The following AR variants were observed in gnomAD, a reference collection of about 807,000 sequenced individuals.
AR encodes the protein androgen receptor, also known as dihydrotestosterone receptor.
AR carries 8 observed loss-of-function variants against 53.9 expected under a neutral mutation model. The ratio of observed to expected loss-of-function variants is 0.15; its 90% CI spans 0.09 to 0.27. The LOEUF (loss-of-function observed/expected upper bound fraction) is 0.27. Ranked by LOEUF, AR falls within the 10% of genes least tolerant of loss-of-function variation. AR has a pLI of 1.00. For synonymous variants in AR, 359 were observed against 316.4 expected (o/e 1.13, Z -1.43); for missense variants, 639 against 742.5 (o/e 0.86, Z 1.62).
intron 1 of AR, among the ~76,000 whole-genome samples, chrX:67,603,430 G>A (rs747383879): frequency 8.9e-6 from 1 of 111,818 alleles, no homozygotes; most frequent in Admixed American, 9.5e-5. Context: ...TAAGAGTTCA[G>A]AGGAGATTGT....
chrX:67,550,908 T>A (rs1475162114), intron 1 of AR, among the ~76,000 whole-genome samples: 2 of 108,533 alleles, frequency 1.8e-5, no homozygotes, highest in East Asian at 2.8e-4. Context: ...ATTTCTTTTT[T>A]AAAAAAAATC....
chrX:67,724,960 G>A lies in AR; in HGVS notation c.*1119G>A. 5.7e-6 allele frequency: 1 copy of A among 175,440 alleles called. No homozygotes were observed. Among genetic ancestry groups the A allele is most frequent in the Non-Finnish European group, 1.1e-5 (1 of 91,694 alleles). The allele number at this position is 175,440 out of a possible 1,213,427, so 14.5% of individuals were successfully genotyped here. ...GGAGCCAGAGGAGAAGAAAATGATAGCTTGGCTGTTCTCCTGCTTAGGACA... is the reference window on the plus strand; with the variant it reads ...GGAGCCAGAGGAGAAGAAAATGATAACTTGGCTGTTCTCCTGCTTAGGACA... On this transcript the variant is annotated 3_prime_UTR_variant, in exon 8 of 8. Transcript: ENST00000374690.
chrX:67,587,986 G>A (rs1451589718), intron 1 of AR, among the ~76,000 whole-genome samples: 1 of 110,232 alleles, frequency 9.1e-6, no homozygotes, highest in African/African-American at 3.3e-5. Context: ...CTCTTGCAAG[G>A]ACTGATTATC....
At chrX:67,631,008 T>C (rs759594151) in intron 1 of AR, among the ~76,000 whole-genome samples, 46 of 111,969 alleles carry the variant, frequency 4.1e-4, no homozygotes, top group Non-Finnish European at 7.5e-4. Flanking sequence ...CCGAGAGATC[T>C]GCTGTTAGTC....
intron 2 of AR, among the ~76,000 whole-genome samples, chrX:67,672,344 C>A (rs758513513): frequency 9.0e-6 from 1 of 111,114 alleles, no homozygotes; most frequent in Non-Finnish European, 1.9e-5. Context: ...TTAGATTCAG[C>A]GTTATGATTG....
intron 1 of AR, among the ~76,000 whole-genome samples, chrX:67,613,534 A>G (rs1923976480): frequency 9.0e-6 from 1 of 111,462 alleles, no homozygotes; most frequent in Non-Finnish European, 1.9e-5. Flanking sequence ...AGGAATCACT[A>G]AGAAGAGCCC....
chrX:67,589,764 G>A (rs1021479169), intron 1 of AR, among the ~76,000 whole-genome samples: 1 of 111,632 alleles, frequency 9.0e-6, no homozygotes, highest in African/African-American at 3.3e-5. Context: ...TTGGATACAG[G>A]CAGCCAGTTT....
intron 3 of AR, among the ~76,000 whole-genome samples, chrX:67,686,682 T>G (rs377119792): frequency 1.5e-4 from 17 of 111,667 alleles, no homozygotes; most frequent in African/African-American, 5.2e-4. Context: ...CTATCCTATC[T>G]CTCCCAAAGA....
At chrX:67,569,642 A>T (rs941595481) in intron 1 of AR, among the ~76,000 whole-genome samples, 1 of 110,872 alleles carries the variant, frequency 9.0e-6, no homozygotes, top group South Asian at 3.9e-4. Flanking sequence ...CTGTGCCTTC[A>T]TGTATTTTTT....
chrX:67,665,229 G>A (rs1390166543), intron 2 of AR, among the ~76,000 whole-genome samples: 1 of 112,506 alleles, frequency 8.9e-6, no homozygotes, highest in Non-Finnish European at 1.9e-5. Context: ...CTGTAGACTG[G>A]AGCTGTTCCT....
At chrX:67,652,822 G>A (rs1483793261) in intron 2 of AR, among the ~76,000 whole-genome samples, 1 of 111,779 alleles carries the variant, frequency 8.9e-6, no homozygotes, top group African/African-American at 3.3e-5. Context: ...AGTAATAAAG[G>A]TATTCTATAG....
At chrX:67,644,854 C>G (rs1356702640) in intron 2 of AR, among the ~76,000 whole-genome samples, 5 of 111,582 alleles carry the variant, frequency 4.5e-5, no homozygotes, top group African/African-American at 1.6e-4. Context: ...GCCCAGGGCC[C>G]TAATGTCTAG....
intron 3 of AR, chrX:67,695,276 A>G (rs1396892505): frequency 1.3e-6 from 1 of 752,333 alleles, no homozygotes; most frequent in African/African-American, 2.3e-5. Context: ...CCAGTGACCT[A>G]GATCTTAGCC....
intron 1 of AR, among the ~76,000 whole-genome samples, chrX:67,615,511 C>T (rs1924077080): frequency 9.0e-6 from 1 of 110,815 alleles, no homozygotes; most frequent in Non-Finnish European, 1.9e-5. Context: ...TGAAGACATT[C>T]CTAGGTAAAC....
intron 1 of AR, among the ~76,000 whole-genome samples, chrX:67,549,630 A>G (rs1237777196): frequency 8.9e-6 from 1 of 112,034 alleles, no homozygotes; most frequent in African/African-American, 3.2e-5. Flanking sequence ...GGCTTCTTAT[A>G]TTCCAGCAAG....
chrX:67,705,833 T>A (rs1310173240), intron 3 of AR, among the ~76,000 whole-genome samples: 2 of 111,539 alleles, frequency 1.8e-5, no homozygotes, highest in African/African-American at 3.3e-5. Flanking sequence ...AATACCTAAT[T>A]TATTGAGAGT....
In AR at chrX:67,546,591, G is replaced by C. The variant is rs1369792982; in HGVS notation, c.1445G>C (p.Gly482Ala). 8.5e-7 allele frequency: 1 copy of C among 1,170,733 alleles called. No homozygotes were observed. The highest frequency in any genetic ancestry group is 1.1e-6 in the Non-Finnish European group (1 of 875,119). Residue 482 changes from glycine (G) to alanine (A), a missense_variant, in exon 1 of 8, where the codon GGC (glycine) becomes GCC (alanine). Gly to Ala is a moderately conservative substitution (Grantham distance 60). Around this residue, in one of 5 missense-constraint regions of AR, gnomAD observed 423 missense variants for 377.0 expected, o/e 1.12. Coordinates refer to ENST00000374690, the MANE Select transcript of AR (RefSeq NM_000044.6). ...GAGGCGGGAGCTGTAGCCCCCTACGGCTACACTCGGCCCCCTCAGGGGCTG... is the reference window on the plus strand; with the variant it reads ...GAGGCGGGAGCTGTAGCCCCCTACGCCTACACTCGGCCCCCTCAGGGGCTG... ...GGEAGAVAPYGYTRPPQGLAG... is the reference protein window; with the variant it reads ...GGEAGAVAPYAYTRPPQGLAG...
intron 3 of AR, among the ~76,000 whole-genome samples, chrX:67,701,493 G>A (rs1022558481): frequency 8.9e-5 from 10 of 111,906 alleles, no homozygotes; most frequent in Non-Finnish European, 1.5e-4. Context: ...AACTAACGTC[G>A]AAAGTCCCAA....
chrX:67,551,001 G>GTTTTTTTTTTT (rs1213943835), intron 1 of AR, among the ~76,000 whole-genome samples: 3 of 76,632 alleles, frequency 3.9e-5, no homozygotes, highest in African/African-American at 1.8e-4. Context: ...GAATAGCTGG[G>GTTTTTTTTTTT]TTTTTTTTTT....
Sources: allele counts gnomAD v4.1 joint callset (sites outside exome capture counted in the v4.1 genomes callset), GRCh38; gene constraint gnomAD v4.1.1; regional missense constraint gnomAD v4.1.1; transcripts MANE v1.5; gene names NCBI Gene and HGNC (gene_info 2026-07-23, HGNC 2026-07-21).